The following SORCS3 variants were observed in gnomAD, a reference collection of about 807,000 sequenced individuals.
SORCS3 encodes sortilin related VPS10 domain containing receptor 3.
A neutral mutation model predicts 146.3 loss-of-function variants in SORCS3; 57 were observed. That is an observed-to-expected ratio of 0.39 (90% CI 0.31 to 0.49). The LOEUF (loss-of-function observed/expected upper bound fraction) is 0.49. Ranked by LOEUF, SORCS3 falls within the 20% of genes least tolerant of loss-of-function variation. The pLI is 0.92. For synonymous variants in SORCS3, 653 were observed against 618.5 expected (o/e 1.06, Z -0.83); for missense variants, 1,341 against 1,575.5 (o/e 0.85, Z 2.52).
At chr10:105,105,631 C>T in intron 7 of SORCS3, 116 bp downstream of exon 7, 1 of 734,878 alleles carries the variant, frequency 1.4e-6, no homozygotes, top group Non-Finnish European at 2.4e-6. Context: ...GAGACACTGT[C>T]CCTCCTTTGC....
At chr10:105,230,378 T>C (rs977658623) in intron 20 of SORCS3, among the ~76,000 whole-genome samples, 3 of 151,700 alleles carry the variant, frequency 2.0e-5, no homozygotes, top group Admixed American at 2.0e-4. Flanking sequence ...AGGGCAGGGG[T>C]GCTTTTAGTG....
At chr10:104,830,545 C>T (rs1056743284) in intron 1 of SORCS3, among the ~76,000 whole-genome samples, 2 of 152,164 alleles carry the variant, frequency 1.3e-5, no homozygotes, top group East Asian at 1.9e-4. Context: ...TGTGTTGTCA[C>T]ATCAGAAGCC....
intron 3 of SORCS3, among the ~76,000 whole-genome samples, chr10:104,948,572 A>G (rs2019396664): frequency 6.6e-6 from 1 of 152,220 alleles, no homozygotes; most frequent in East Asian, 1.9e-4. Flanking sequence ...AAACCTTGAT[A>G]TAGCTCTGCC....
intron 7 of SORCS3, among the ~76,000 whole-genome samples, chr10:105,129,061 C>G (rs866849844): frequency 1.3e-5 from 2 of 152,070 alleles, no homozygotes; most frequent in Non-Finnish European, 2.9e-5. Context: ...TCCACCTTTT[C>G]CCTTCTCCTC....
intron 4 of SORCS3, among the ~76,000 whole-genome samples, chr10:104,999,629 C>T (rs1389908149): frequency 6.1e-5 from 8 of 131,448 alleles, no homozygotes; most frequent in Non-Finnish European, 1.2e-4. Context: ...TCTTGCTCCA[C>T]AGGATCTCTT....
intron 1 of SORCS3, among the ~76,000 whole-genome samples, chr10:104,672,895 C>T (rs1026869893): frequency 1.2e-4 from 19 of 152,068 alleles, no homozygotes; most frequent in Non-Finnish European, 2.6e-4. Flanking sequence ...CTATTTCTCC[C>T]TTCAATTTTG....
chr10:105,106,035 T>G (rs2055818830), intron 7 of SORCS3, among the ~76,000 whole-genome samples: 1 of 152,150 alleles, frequency 6.6e-6, no homozygotes. Context: ...GACTCATATT[T>G]AGGCAGAGCA....
chr10:105,017,930 T>C (rs1215175435), intron 4 of SORCS3, among the ~76,000 whole-genome samples: 1 of 152,206 alleles, frequency 6.6e-6, no homozygotes, highest in Non-Finnish European at 1.5e-5. Flanking sequence ...TTCTGGCTGA[T>C]GTAATCTATG....
chr10:105,228,171 G>A (rs2056745156), intron 20 of SORCS3, among the ~76,000 whole-genome samples: 1 of 151,738 alleles, frequency 6.6e-6, no homozygotes, highest in Non-Finnish European at 1.5e-5. Flanking sequence ...GTATACCTTT[G>A]TCCCTTTTCT....
intron 1 of SORCS3, among the ~76,000 whole-genome samples, chr10:104,735,982 TTTC>T (rs1288411991): frequency 1.3e-5 from 2 of 152,124 alleles, no homozygotes; most frequent in Non-Finnish European, 2.9e-5. Flanking sequence ...CTCTTTTCTT[TTTC>T]TTCTTCTTTT....
intron 6 of SORCS3, among the ~76,000 whole-genome samples, chr10:105,102,299 C>A (rs1589633461): frequency 6.6e-6 from 1 of 152,142 alleles, no homozygotes; most frequent in Non-Finnish European, 1.5e-5. Context: ...CTACAGTGGA[C>A]TGGATAAATA....
At chr10:104,927,809 T>A (rs1377952307) in intron 3 of SORCS3, among the ~76,000 whole-genome samples, 1 of 146,598 alleles carries the variant, frequency 6.8e-6, no homozygotes, top group Admixed American at 6.8e-5. Context: ...ACCCGGGAGG[T>A]GGAGGTTGTG....
chr10:104,763,095 TGGTCCCTGGCACGTGA>T (rs1246116040), intron 1 of SORCS3, among the ~76,000 whole-genome samples: 5 of 152,160 alleles, frequency 3.3e-5, no homozygotes, highest in Admixed American at 3.3e-4. Flanking sequence ...TCTCAAAGTG[TGGTCCCTGGCACGTGA>T]TAGAAATGCT....
chr10:104,650,976 G>C (rs906976142), intron 1 of SORCS3, among the ~76,000 whole-genome samples: 1 of 152,188 alleles, frequency 6.6e-6, no homozygotes, highest in Non-Finnish European at 1.5e-5. Context: ...CTCAGTGGGA[G>C]ATGAAGAACA....
At chr10:104,791,548 G>A (rs991338673) in intron 1 of SORCS3, among the ~76,000 whole-genome samples, 2 of 152,184 alleles carry the variant, frequency 1.3e-5, no homozygotes, top group African/African-American at 4.8e-5. Flanking sequence ...GGTGATGAGT[G>A]GAGTGTAAAC....
intron 6 of SORCS3, among the ~76,000 whole-genome samples, chr10:105,093,139 C>T (rs1003658740): frequency 6.6e-6 from 1 of 152,118 alleles, no homozygotes; most frequent in Non-Finnish European, 1.5e-5. Flanking sequence ...GGATATAACA[C>T]ATTCGGTGTA....
intron 2 of SORCS3, among the ~76,000 whole-genome samples, chr10:104,879,459 G>A (rs993613073): frequency 3.9e-5 from 6 of 152,078 alleles, no homozygotes; most frequent in African/African-American, 1.4e-4. Context: ...AGGCCCACCT[G>A]GATAACCCAG....
At chr10:105,127,055 T>C (rs1350182072) in intron 7 of SORCS3, among the ~76,000 whole-genome samples, 5 of 152,154 alleles carry the variant, frequency 3.3e-5, no homozygotes, top group Non-Finnish European at 7.3e-5. Flanking sequence ...GATTGACAAA[T>C]GTAAGACATA....
chr10:105,040,213 G>C (rs1339620269), intron 4 of SORCS3, among the ~76,000 whole-genome samples: 2 of 151,990 alleles, frequency 1.3e-5, no homozygotes, highest in African/African-American at 4.8e-5. Flanking sequence ...CCAATGGGAT[G>C]GTCTGGTCCT....
Sources: gnomAD v4.1 joint callset for allele counts (sites outside exome capture counted in the v4.1 genomes callset) on GRCh38, gnomAD v4.1.1 for gene constraint, MANE v1.5 for transcripts, NCBI Gene and HGNC (gene_info 2026-07-23, HGNC 2026-07-21) for gene names.